The following SEMA3E variants were observed in gnomAD, a reference collection of about 807,000 sequenced individuals.
SEMA3E encodes the protein semaphorin-3E.
In SEMA3E, 49 loss-of-function variants were observed where a neutral mutation model predicts 93.6. That is an observed-to-expected ratio of 0.52 (90% CI 0.42 to 0.66). The LOEUF (loss-of-function observed/expected upper bound fraction) is 0.66. SEMA3E is among the 30% of genes least tolerant of loss of function. The pLI is 0.00. For synonymous variants in SEMA3E, 363 were observed against 330.7 expected (o/e 1.10, Z -1.06); for missense variants, 906 against 964.8 (o/e 0.94, Z 0.81).
At chr7:83,615,540 G>A (rs553864844) in intron 1 of SEMA3E, among the ~76,000 whole-genome samples, 4 of 152,124 alleles carry the variant, frequency 2.6e-5, no homozygotes, top group African/African-American at 9.6e-5. Flanking sequence ...GAAGAAAGAT[G>A]TTTTTATTTT....
chr7:83,516,976 A>G (rs1790942085), intron 1 of SEMA3E, among the ~76,000 whole-genome samples: 1 of 150,750 alleles, frequency 6.6e-6, no homozygotes, highest in Non-Finnish European at 1.5e-5. Flanking sequence ...AAATATAGAA[A>G]GGGAATTTGC....
rs2709930 is a variant in SEMA3E at position 83,402,591 on chromosome 7, T to C, written c.1143+41A>G. 0.99 allele frequency: 1,555,737 copies of C among 1,563,654 alleles called. 774,258 individuals are homozygous for C. The highest frequency in any genetic ancestry group is 1 in the East Asian group (44,216 of 44,216). Reference sequence around the variant, plus strand: ...AGTGAACAAAATATTACCAAAAGTATACTTAAAAATAAGAATTATTTGTTA... The same window carrying C: ...AGTGAACAAAATATTACCAAAAGTACACTTAAAAATAAGAATTATTTGTTA... On this transcript the variant is annotated intron_variant, in intron 10 of 16. Transcript: ENST00000643230.
At chr7:83,595,488 A>G (rs1234119494) in intron 1 of SEMA3E, among the ~76,000 whole-genome samples, 1 of 152,098 alleles carries the variant, frequency 6.6e-6, no homozygotes, top group Admixed American at 6.6e-5. Context: ...ACTAAACTAC[A>G]GGCTTTATTC....
chr7:83,447,690 G>A (rs1317740981), intron 4 of SEMA3E, among the ~76,000 whole-genome samples: 1 of 152,218 alleles, frequency 6.6e-6, no homozygotes, highest in Non-Finnish European at 1.5e-5. Context: ...TAGAAACATT[G>A]GAGGCATATC....
chr7:83,389,736 T>TACACGTATATATTACATGTATACATAC (rs1562757923), intron 14 of SEMA3E, among the ~76,000 whole-genome samples: 7 of 133,314 alleles, frequency 5.3e-5, no homozygotes, highest in African/African-American at 1.6e-4. Flanking sequence ...TGTATACATA[T>TACACGTATATATTACATGTATACATAC]ATACACGTAT....
intron 5 of SEMA3E, among the ~76,000 whole-genome samples, chr7:83,409,699 G>C (rs1788402537): frequency 6.6e-6 from 1 of 151,414 alleles, no homozygotes; most frequent in South Asian, 2.1e-4. Flanking sequence ...AAAGTTGCAG[G>C]TATAAGAATT....
intron 1 of SEMA3E, among the ~76,000 whole-genome samples, chr7:83,592,805 G>A (rs761102303): frequency 6.6e-5 from 10 of 152,122 alleles, no homozygotes; most frequent in Non-Finnish European, 1.5e-4. Context: ...AAGAGAAATA[G>A]GAGAGAAAGG....
intron 1 of SEMA3E, among the ~76,000 whole-genome samples, chr7:83,644,982 C>T (rs576644812): frequency 1.7e-3 from 262 of 152,090 alleles, no homozygotes; most frequent in African/African-American, 6.2e-3. Flanking sequence ...CAAACACCTA[C>T]CCCTGTCTGC....
rs145724350 is a variant in SEMA3E, at chr7:83,538,908, C to T, written c.116-48634G>A. On this transcript the variant is annotated intron_variant, in intron 1 of 16. Transcript: ENST00000643230. ...TTCTTCTCAATTGTCTAGGGATTCC[C>T]GTCGCTCTCTCTTATGTTGGAGACT... Among the ~76,000 whole-genome samples, 726 of 152,224 alleles carry T rather than the reference C, an allele frequency of 4.8e-3. 8 individuals are homozygous for T. Among genetic ancestry groups the T allele is most frequent in the African/African-American group, 0.017 (686 of 41,532 alleles).
intron 1 of SEMA3E, among the ~76,000 whole-genome samples, chr7:83,570,694 GA>G (rs995483623): frequency 1.3e-5 from 2 of 151,154 alleles, no homozygotes; most frequent in African/African-American, 4.9e-5. Context: ...AGGAGAACTG[GA>G]AAAAAATGAG....
At chr7:83,460,555 C>T (rs964091285) in intron 4 of SEMA3E, among the ~76,000 whole-genome samples, 2 of 151,838 alleles carry the variant, frequency 1.3e-5, no homozygotes, top group East Asian at 2.0e-4. Context: ...TCACCTTTAG[C>T]GGCAAGTCCT....
intron 1 of SEMA3E, among the ~76,000 whole-genome samples, chr7:83,645,505 T>C (rs1320200713): frequency 6.6e-6 from 1 of 152,060 alleles, no homozygotes. Context: ...GAAAATACAT[T>C]AAAAGATTTA....
chr7:83,374,128 C>A (rs1422118641), intron 16 of SEMA3E, among the ~76,000 whole-genome samples: 1 of 148,744 alleles, frequency 6.7e-6, no homozygotes, highest in Non-Finnish European at 1.5e-5. Context: ...TTTGCTTGAA[C>A]CCAGGAGGCA....
chr7:83,543,784 A>T (rs1791586883), intron 1 of SEMA3E, among the ~76,000 whole-genome samples: 1 of 152,090 alleles, frequency 6.6e-6, no homozygotes, highest in South Asian at 2.1e-4. Flanking sequence ...ACAATGAACA[A>T]TGTTGACTTC....
intron 1 of SEMA3E, among the ~76,000 whole-genome samples, chr7:83,524,764 A>G (rs976174960): frequency 2.0e-5 from 3 of 151,868 alleles, no homozygotes; most frequent in Non-Finnish European, 4.4e-5. Context: ...TCAACCCGTA[A>G]CTCTCTACTG....
At chr7:83,564,794 TA>T (rs1010206109) in intron 1 of SEMA3E, among the ~76,000 whole-genome samples, 1 of 152,182 alleles carries the variant, frequency 6.6e-6, no homozygotes, top group African/African-American at 2.4e-5. Context: ...CATGGTTGGC[TA>T]AAAAAAGGAT....
intron 4 of SEMA3E, among the ~76,000 whole-genome samples, chr7:83,437,713 C>T (rs960468460): frequency 6.6e-6 from 1 of 151,986 alleles, no homozygotes; most frequent in African/African-American, 2.4e-5. Flanking sequence ...GACTGTAGTC[C>T]CAAATAACAT....
chr7:83,398,001 T>A (rs1788158754), intron 11 of SEMA3E, among the ~76,000 whole-genome samples: 1 of 152,204 alleles, frequency 6.6e-6, no homozygotes, highest in Admixed American at 6.5e-5. Context: ...AGTGATTTTT[T>A]AATAAGGACC....
chr7:83,460,106 C>T (rs2466442), intron 4 of SEMA3E, among the ~76,000 whole-genome samples: 2 of 151,808 alleles, frequency 1.3e-5, no homozygotes, highest in African/African-American at 4.8e-5. Flanking sequence ...TCTCTTCACA[C>T]GGACGTGCAT....
Sources: allele counts gnomAD v4.1 joint callset (sites outside exome capture counted in the v4.1 genomes callset), GRCh38; gene constraint gnomAD v4.1.1; transcripts MANE v1.5; gene names NCBI Gene and HGNC (gene_info 2026-07-23, HGNC 2026-07-21).